The following SYNPR variants were observed in gnomAD, a reference collection of about 807,000 sequenced individuals.
The protein encoded by SYNPR is synaptoporin.
Under a neutral mutation model 32.9 loss-of-function variants are expected in SYNPR, and 23 were observed. The observed-to-expected ratio is 0.70, with a 90% confidence interval of 0.50 to 0.99. The LOEUF (loss-of-function observed/expected upper bound fraction) is 0.99, where lower values mean the gene tolerates loss of function less well. Ranked by LOEUF, SYNPR falls within the 50% of genes least tolerant of loss-of-function variation. The pLI is 0.00. For synonymous variants in SYNPR, 146 were observed against 135.9 expected (o/e 1.07, Z -0.52); for missense variants, 318 against 349.3 (o/e 0.91, Z 0.71).
chr3:63,385,699 T>C (rs1405174643), intron 2 of SYNPR, among the ~76,000 whole-genome samples: 1 of 152,208 alleles, frequency 6.6e-6, no homozygotes, highest in Non-Finnish European at 1.5e-5. Context: ...AGAAAATGTT[T>C]AGTAGCTGAG....
chr3:63,482,967 C>T (rs1026011831), intron 3 of SYNPR, among the ~76,000 whole-genome samples: 3 of 152,008 alleles, frequency 2.0e-5, no homozygotes, highest in South Asian at 2.1e-4. Flanking sequence ...TGATAATATC[C>T]ACTATTATAA....
intron 4 of SYNPR, among the ~76,000 whole-genome samples, chr3:63,608,000 T>C (rs976596175): frequency 3.3e-5 from 5 of 152,248 alleles, no homozygotes; most frequent in East Asian, 1.9e-4. Flanking sequence ...ACTGTTTCTG[T>C]TGGCATATCA....
chr3:63,278,048 C>T (rs902663335), upstream of SYNPR: 1 of 154,614 alleles, frequency 6.5e-6, no homozygotes, highest in Non-Finnish European at 1.4e-5. Flanking sequence ...TTCCTCCTAC[C>T]TGGAAACCCC....
At chr3:63,387,533 G>A (rs1450334543) in intron 2 of SYNPR, among the ~76,000 whole-genome samples, 2 of 152,248 alleles carry the variant, frequency 1.3e-5, no homozygotes, top group Non-Finnish European at 1.5e-5. Flanking sequence ...AACTTAAAAT[G>A]TACTTTTCTA....
At chr3:63,434,680 T>C (rs916157704) in intron 2 of SYNPR, among the ~76,000 whole-genome samples, 8 of 152,236 alleles carry the variant, frequency 5.3e-5, no homozygotes, top group African/African-American at 1.9e-4. Context: ...TAGCAACAAC[T>C]ATTCATCTTC....
At chr3:63,291,838 C>CTG (rs1323738461) in intron 2 of SYNPR, among the ~76,000 whole-genome samples, 6 of 152,030 alleles carry the variant, frequency 3.9e-5, no homozygotes, top group Non-Finnish European at 7.4e-5. Flanking sequence ...TTCTCTCTCT[C>CTG]TCTCTCTCTC....
At chr3:63,517,696 A>G (rs542469141) in intron 3 of SYNPR, among the ~76,000 whole-genome samples, 2 of 152,048 alleles carry the variant, frequency 1.3e-5, no homozygotes, top group Admixed American at 6.6e-5. Context: ...TTTTAGGGAA[A>G]CCCATCTATT....
intron 2 of SYNPR, among the ~76,000 whole-genome samples, chr3:63,466,903 A>C (rs1205272319): frequency 6.6e-6 from 1 of 152,206 alleles, no homozygotes; most frequent in Non-Finnish European, 1.5e-5. Context: ...TTGACATGCA[A>C]ATTTGGGAGG....
At chr3:63,269,049 T>C (rs1213487627) in intron 3 of SYNPR, among the ~76,000 whole-genome samples, 3 of 152,226 alleles carry the variant, frequency 2.0e-5, no homozygotes, top group Non-Finnish European at 2.9e-5. Context: ...TCCTCAATTA[T>C]GATATAGGCA....
intron 1 of SYNPR, among the ~76,000 whole-genome samples, chr3:63,246,855 C>G (rs1307762831): frequency 6.6e-6 from 1 of 150,986 alleles, no homozygotes; most frequent in Non-Finnish European, 1.5e-5. Context: ...TTTGTAATCT[C>G]TGAGCCTTTA....
At chr3:63,450,777 G>A (rs1268541627) in intron 2 of SYNPR, among the ~76,000 whole-genome samples, 1 of 152,198 alleles carries the variant, frequency 6.6e-6, no homozygotes, top group Non-Finnish European at 1.5e-5. Flanking sequence ...CCTGAGCTTG[G>A]ATAGATGCAG....
rs144374250 is a variant in SYNPR, at chr3:63,536,026, G to C, written c.210-20517G>C. Among the ~76,000 whole-genome samples the C allele has an allele frequency of 3.9e-3, 596 of 152,150 alleles. 4 individuals are homozygous for C. Among genetic ancestry groups the C allele is most frequent in the African/African-American group, 0.014 (566 of 41,530 alleles). On this transcript the variant is annotated intron_variant, in intron 3 of 5. Coordinates refer to ENST00000478300, the MANE Select transcript of SYNPR (RefSeq NM_001130003.2). ...CATGCCTGTAACCCCAGCACTTTGG[G>C]AGGCTGAGATGGGAGAATCACTTGA...
At chr3:63,580,808 GT>G (rs1372595043) in intron 4 of SYNPR, among the ~76,000 whole-genome samples, 1 of 152,152 alleles carries the variant, frequency 6.6e-6, no homozygotes, top group African/African-American at 2.4e-5. Flanking sequence ...GTTCTGGCCT[GT>G]GGTAACTACA....
At chr3:63,236,447 C>CTATA (rs1324463522) in intron 1 of SYNPR, among the ~76,000 whole-genome samples, 1 of 151,994 alleles carries the variant, frequency 6.6e-6, no homozygotes, top group Non-Finnish European at 1.5e-5. Flanking sequence ...TGTGTTAAGC[C>CTATA]TATAGTTCAA....
chr3:63,408,576 C>T (rs766023877), intron 2 of SYNPR, among the ~76,000 whole-genome samples: 6 of 152,056 alleles, frequency 3.9e-5, no homozygotes, highest in Non-Finnish European at 7.4e-5. Context: ...AACTTGTGGC[C>T]TGCTGGTACA....
intron 2 of SYNPR, among the ~76,000 whole-genome samples, chr3:63,414,101 G>T (rs142202411): frequency 6.6e-6 from 1 of 151,732 alleles, no homozygotes; most frequent in South Asian, 2.1e-4. Flanking sequence ...AGTAGCTTGG[G>T]TATCTTGATT....
At position 63,615,511 on chromosome 3, in the gene SYNPR, G is replaced by T; in HGVS notation, c.*30G>T. The stretch of plus-strand genomic sequence containing the variant: ...GTAGCATTTGCATTCTTCTGCAGTC[G>T]CCTCACCATCTTCCATTTCAGTGGC... On this transcript the variant is annotated 3_prime_UTR_variant, in exon 6 of 6. Transcript: ENST00000478300. 1 of 1,590,040 alleles carries T rather than the reference G, an allele frequency of 6.3e-7. No individual in the cohort carries two copies. The highest frequency in any genetic ancestry group is 8.6e-7 in the Non-Finnish European group (1 of 1,167,706).
chr3:63,580,977 C>T (rs541209416), intron 4 of SYNPR, among the ~76,000 whole-genome samples: 22 of 152,190 alleles, frequency 1.4e-4, no homozygotes, highest in African/African-American at 4.8e-4. Flanking sequence ...AAAGCATAGG[C>T]GGTATAGGGA....
intron 2 of SYNPR, among the ~76,000 whole-genome samples, chr3:63,289,696 A>T (rs1393798357): frequency 6.6e-6 from 1 of 152,156 alleles, no homozygotes; most frequent in Non-Finnish European, 1.5e-5. Context: ...TTTGGAGGAG[A>T]CAAACATCCA....
Sources: allele counts gnomAD v4.1 joint callset (sites outside exome capture counted in the v4.1 genomes callset), GRCh38; gene constraint gnomAD v4.1.1; transcripts MANE v1.5; gene names NCBI Gene and HGNC (gene_info 2026-07-23, HGNC 2026-07-21).